ULK3: variants seen among roughly 807,000 people sequenced by gnomAD.
ULK3 encodes serine/threonine-protein kinase ULK3.
Under a neutral mutation model 69.4 loss-of-function variants are expected in ULK3, and 54 were observed. The observed-to-expected ratio is 0.78, with a 90% CI of 0.63 to 0.98. The LOEUF (loss-of-function observed/expected upper bound fraction) is 0.98, where lower values mean the gene tolerates loss of function less well. Among genes scored for constraint, ULK3 ranks in the 50% least tolerant of loss-of-function variants. The probability of loss-of-function intolerance (pLI) is 0.00; values close to 1 mark genes in which losing one functional copy is unlikely to be tolerated. For missense variants in ULK3, 558 were observed against 627.7 expected, an observed-to-expected ratio of 0.89 and a Z score of 1.19; for synonymous variants, 240 against 254.5, an observed-to-expected ratio of 0.94 and a Z score of 0.54.
At chr15:74,841,305 C>A in intron 4 of ULK3, 100 bp downstream of exon 4, 1 of 977,606 alleles carries the variant, frequency 1.0e-6, no homozygotes, top group Non-Finnish European at 1.6e-6. Flanking sequence ...TTTGAGGACT[C>A]TATAGAGGGC....
chr15:74,842,286 G>A lies in ULK3; in HGVS notation c.237C>T (p.Asp79=). 1 of 1,614,024 alleles carries A rather than the reference G, an allele frequency of 6.2e-7. No homozygotes were observed. Among genetic ancestry groups the A allele is most frequent in the African/African-American group, 1.3e-5 (1 of 75,062 alleles). ...CCCCGCCCCAGGCTCACACCTGAAA[G>A]TCTTTCAGCTGCACAATGTGGGGAT... ...IRHPHIVQLK[D]FQWDSDNIYL... Residue 79 remains aspartate, a synonymous_variant, in exon 2 of 16, where the codon GAC becomes GAT. Transcript: ENST00000440863. This position sits in a 1 kb window ranked among gnomAD's most constrained non-coding sequence, Gnocchi z 4.9.
In ULK3 at chr15:74,842,637, TCTC is replaced by T. The variant is rs2064302611; in HGVS notation, c.103-220_103-218del. ...TCCCGACACAGCCTCAGCCTGGTCT[TCTC>T]CAACCCTCGGCTAGCTGATCCATTT... On this transcript the variant is annotated intron_variant, in intron 1 of 15. Coordinates refer to ENST00000440863, the MANE Select transcript of ULK3 (RefSeq NM_001099436.4). The surrounding 1 kb of genome is among the most constrained non-coding windows in gnomAD (Gnocchi z 4.9). 1 of 1,537,090 alleles carries T rather than the reference TCTC, an allele frequency of 6.5e-7. No individual in the cohort carries two copies. The highest frequency in any genetic ancestry group is 2.0e-5 in the Admixed American group (1 of 51,028).
In ULK3 at chr15:74,842,952, G is replaced by A. The variant is rs1385125722; in HGVS notation, c.102+52C>T. On this transcript the variant is annotated intron_variant, in intron 1 of 15. Transcript: ENST00000440863. This position sits in a 1 kb window ranked among gnomAD's most constrained non-coding sequence, Gnocchi z 4.9. Reference sequence around the variant, plus strand: ...CTAACCTCTCAGAGTCTCCCCGGCCGGCACCAGCCGAGCTAGCTCGGGCGG... The same window carrying A: ...CTAACCTCTCAGAGTCTCCCCGGCCAGCACCAGCCGAGCTAGCTCGGGCGG... 6.6e-7 allele frequency: 1 copy of A among 1,521,910 alleles called. No individual in the cohort carries two copies. Among genetic ancestry groups the A allele is most frequent in the Non-Finnish European group, 8.9e-7 (1 of 1,129,634 alleles). 94.3% of individuals were successfully genotyped at this position (1,521,910 alleles called of 1,614,324 possible).
chr15:74,837,757 C>A lies in ULK3; in HGVS notation c.1329G>T (p.Gln443His), dbSNP rs779412677. Reference protein sequence around the residue: ...LMARAEYLKEQVKMRESRWEA... With the variant: ...LMARAEYLKEHVKMRESRWEA... ...GTGGCCCCCATGTGCCCACCTTGAC[C>A]TGCTCCTTCAAGTATTCAGCTCGGG... is the stretch of plus-strand genomic sequence containing the variant. Residue 443 changes from glutamine (Q) to histidine (H), a missense_variant, in exon 14 of 16, where the codon CAG (glutamine) becomes CAT (histidine). By Grantham distance (24) the Gln-to-His change is conservative. Transcript: ENST00000440863. The A allele has an allele frequency of 1.9e-6, 3 of 1,597,848 alleles. No homozygotes were observed. Among genetic ancestry groups the A allele is most frequent in the Non-Finnish European group, 2.6e-6 (3 of 1,171,886 alleles).
At position 74,839,371 on chromosome 15, in the gene ULK3, G is replaced by C. The variant is rs200900058; in HGVS notation, c.855C>G (p.Thr285=). The change falls in exon 8 of 16, where the codon ACC becomes ACG. Residue 285 remains threonine (T), a splice_region_variant and synonymous_variant. Coordinates refer to ENST00000440863, the MANE Select transcript of ULK3 (RefSeq NM_001099436.4). ...MPSGESLGRA[T]ALVVQAVKKD... The stretch of plus-strand genomic sequence containing the variant: ...TCTTCACAGCCTGCACCACCAGGGC[G>C]GTCTGGGGATGGGCAGATCAGGGGT... The C allele has an allele frequency of 3.2e-6, 5 of 1,559,406 alleles. No homozygotes were observed. The highest frequency in any genetic ancestry group is 4.3e-6 in the Non-Finnish European group (5 of 1,151,314).
In ULK3 at chr15:74,836,662, A is replaced by G. The variant is rs1567230801; in HGVS notation, c.*566T>C. On this transcript the variant is annotated 3_prime_UTR_variant, in exon 16 of 16. Transcript: ENST00000440863. The surrounding 1 kb of genome is among the most constrained non-coding windows in gnomAD (Gnocchi z 4.0). ...CTTTCATGCTTGAGGGATTAACCTA[A>G]AGTACCAAGATGGCGGGCAGGTGTG... 6.5e-6 allele frequency: 1 copy of G among 152,744 alleles called. No homozygotes were observed. Among genetic ancestry groups the G allele is most frequent in the Non-Finnish European group, 1.5e-5 (1 of 68,454 alleles). The allele number at this position is 152,744 out of a possible 1,614,324, so 9.5% of individuals were successfully genotyped here. A position where few individuals can be genotyped will look rare whatever the true frequency, so the allele number is the denominator to read the frequency against.
At position 74,837,128 on chromosome 15, in the gene ULK3, C is replaced by A. The variant is rs1290179845; in HGVS notation, c.*100G>T. Reference sequence around the variant, plus strand: ...CAGCACTGTCCATCCAAGAAGCCTGCTCGCCAGGGCTGCAGTGGGCCACTT... The same window carrying A: ...CAGCACTGTCCATCCAAGAAGCCTGATCGCCAGGGCTGCAGTGGGCCACTT... On this transcript the variant is annotated 3_prime_UTR_variant, in exon 16 of 16. Coordinates refer to ENST00000440863, the MANE Select transcript of ULK3 (RefSeq NM_001099436.4). 6 of 1,456,586 alleles carry A rather than the reference C, an allele frequency of 4.1e-6. No individual in the cohort carries two copies. The highest frequency in any genetic ancestry group is 5.5e-6 in the Non-Finnish European group (6 of 1,095,966). The allele number at this position is 1,456,586 out of a possible 1,614,324, so 90.2% of individuals were successfully genotyped here.
chr15:74,837,017 C>A lies in ULK3; in HGVS notation c.*211G>T. 1.8e-6 allele frequency: 1 copy of A among 553,394 alleles called. No homozygotes were observed. The highest frequency in any genetic ancestry group is 3.0e-6 in the Non-Finnish European group (1 of 334,898). The allele number at this position is 553,394 out of a possible 1,614,324, so 34.3% of individuals were successfully genotyped here. On this transcript the variant is annotated 3_prime_UTR_variant, in exon 16 of 16. Coordinates refer to ENST00000440863, the MANE Select transcript of ULK3 (RefSeq NM_001099436.4). The stretch of plus-strand genomic sequence containing the variant: ...CTGTTCTCCCAGAGTCCTGCCCTCC[C>A]CTCCAGTATACAGCACAGCCATCAA...
chr15:74,839,139 C>A, intron 8 of ULK3, 89 bp from the exon 9 acceptor site: 1 of 1,543,152 alleles, frequency 6.5e-7, no homozygotes, highest in Non-Finnish European at 8.8e-7. Flanking sequence ...ACACAATATT[C>A]CAGGTTTACG....
Position 74,842,229 on chromosome 15 carries a change from A to G in ULK3, c.244-34T>C. 6.2e-7 allele frequency: 1 copy of G among 1,613,934 alleles called. No homozygotes were observed. The highest frequency in any genetic ancestry group is 2.2e-5 in the East Asian group (1 of 44,882). ...AGAGGCAGAGAGGCGGCCTGAAGAG[A>G]GTGTCCCTTCTCCAGCTCCCTTTGG... On this transcript the variant is annotated intron_variant, in intron 2 of 15. Coordinates refer to ENST00000440863, the MANE Select transcript of ULK3 (RefSeq NM_001099436.4). This position sits in a 1 kb window ranked among gnomAD's most constrained non-coding sequence, Gnocchi z 4.9.
Position 74,838,673 on chromosome 15 carries a change from GCCTCA to G in ULK3, c.1067_1071del (p.Leu356ProfsTer72). ...AGCAGGTCTCGGGCAGAGGTCCCCT[GCCTCA>G]GCAGGGCCTGATTGGAAGAGGAGAC... On this transcript the variant is annotated frameshift_variant, in exon 10 of 16. Transcript: ENST00000440863. LOFTEE classifies it high-confidence loss of function. 1.2e-6 allele frequency: 2 copies of G among 1,612,510 alleles called. No individual in the cohort carries two copies. The highest frequency in any genetic ancestry group is 1.7e-6 in the Non-Finnish European group (2 of 1,179,236).
In ULK3 at chr15:74,843,061, G is replaced by T; in HGVS notation, c.45C>A (p.Ile15=). 6.7e-7 allele frequency: 1 copy of T among 1,486,440 alleles called. No individual in the cohort carries two copies. The highest frequency in any genetic ancestry group is 9.0e-7 in the Non-Finnish European group (1 of 1,113,364). The allele number at this position is 1,486,440 out of a possible 1,614,324, so 92.1% of individuals were successfully genotyped here. A position where few individuals can be genotyped will look rare whatever the true frequency, so the allele number is the denominator to read the frequency against. ...TGCCGCTGCCCAGGCGCTCGGTGAGGATGAAGCCGTCCAGGCGCGGGGGAC... is the reference window on the plus strand; with the variant it reads ...TGCCGCTGCCCAGGCGCTCGGTGAGTATGAAGCCGTCCAGGCGCGGGGGAC... ...GWGPPRLDGF[I]LTERLGSGTY... The change falls in exon 1 of 16, where the codon ATC becomes ATA. Residue 15 remains isoleucine (I), a synonymous_variant. Coordinates refer to ENST00000440863, the MANE Select transcript of ULK3 (RefSeq NM_001099436.4).
rs1219415853 is a variant in ULK3 at position 74,841,267 on chromosome 15, C to A, written c.469+138G>T. 5 of 651,200 alleles carry A rather than the reference C, an allele frequency of 7.7e-6. No individual in the cohort carries two copies. In the African/African-American group the frequency reaches 9.2e-5, roughly 12 times the overall value. The allele number at this position is 651,200 out of a possible 1,614,324, so 40.3% of individuals were successfully genotyped here. The stretch of plus-strand genomic sequence containing the variant: ...GCTTCCACCTTTTGATGACAGGGCC[C>A]AACCCCAGACTTCACGGCCTGTCAC... On this transcript the variant is annotated intron_variant, in intron 4 of 15. Transcript: ENST00000440863.
In ULK3 at chr15:74,840,508, G is replaced by A. The variant is rs753375805; in HGVS notation, c.603C>T (p.Val201=). The change falls in exon 5 of 16, where the codon GTC becomes GTT. Residue 201 remains valine, a synonymous_variant. Transcript: ENST00000440863. ...DARVDLWSMG[V]ILYEALFGQP... ...GAAAAGAGGTCTCACCATACAGGAT[G>A]ACCCCCATGGACCAGAGGTCCACGC... 6.2e-7 allele frequency: 1 copy of A among 1,606,990 alleles called. No individual in the cohort carries two copies. Among genetic ancestry groups the A allele is most frequent in the Admixed American group, 1.7e-5 (1 of 59,052 alleles).
rs573596173 is a variant in ULK3 at position 74,837,528 on chromosome 15, C to T, written c.1336-93G>A. 59 of 868,376 alleles carry T rather than the reference C, an allele frequency of 6.8e-5. 1 individual carries two copies. The South Asian group carries it at 9.0e-4, about 13-fold the overall frequency. The allele number at this position is 868,376 out of a possible 1,614,324, so 53.8% of individuals were successfully genotyped here. ...AGTGAGAGAGTGAAGGACGGGGACA[C>T]GAGCCACAGCGCAGTGCCGAGCAAG... is the stretch of plus-strand genomic sequence containing the variant. On this transcript the variant is annotated intron_variant, in intron 14 of 15. Coordinates refer to ENST00000440863, the MANE Select transcript of ULK3 (RefSeq NM_001099436.4).
Position 74,840,330 on chromosome 15 carries a change from GCAGAGC to G in ULK3, c.614-20_614-15del, listed in dbSNP as rs2064200340. ...CGAAGAGGGCTTCTGTGGAAGGGAG[GCAGAGC>G]GGAGGCTGGGAGGGAATGGGTCAAG... On this transcript the variant is annotated splice_polypyrimidine_tract_variant and intron_variant, in intron 5 of 15. Transcript: ENST00000440863. 7 of 1,604,442 alleles carry G rather than the reference GCAGAGC, an allele frequency of 4.4e-6. No individual in the cohort carries two copies. The Admixed American group carries it at 6.8e-5, about 16-fold the overall frequency.
At position 74,837,365 on chromosome 15, in the gene ULK3, T is replaced by G; in HGVS notation, c.1402+4A>C. 1 of 1,613,090 alleles carries G rather than the reference T, an allele frequency of 6.2e-7. No individual in the cohort carries two copies. The highest frequency in any genetic ancestry group is 1.1e-5 in the South Asian group (1 of 90,926). ...TGGAGGATCGACCCCAGGGCAGGAC[T>G]CACAGCTACGAACAGATTCCGACAG... On this transcript the variant is annotated splice_donor_region_variant and intron_variant, in intron 15 of 15. Coordinates refer to ENST00000440863, the MANE Select transcript of ULK3 (RefSeq NM_001099436.4).
At position 74,842,182 on chromosome 15, in the gene ULK3, T is replaced by C. The variant is rs200940651; in HGVS notation, c.257A>G (p.Asn86Ser). The change falls in exon 3 of 16, where the codon AAT becomes AGT. Residue 86 changes from asparagine (N) to serine (S), a missense_variant. Transcript: ENST00000440863. This position sits in a 1 kb window ranked among gnomAD's most constrained non-coding sequence, Gnocchi z 4.9. Reference sequence around the variant, plus strand: ...GCAAAACTCCATGATGAGGTAGATATTGTCACTGTCCCACTGTGTTTAGAG... The same window carrying C: ...GCAAAACTCCATGATGAGGTAGATACTGTCACTGTCCCACTGTGTTTAGAG... ...QLKDFQWDSDNIYLIMEFCAG... is the reference protein window; with the variant it reads ...QLKDFQWDSDSIYLIMEFCAG... 1.0e-4 allele frequency: 164 copies of C among 1,613,984 alleles called. 1 individual carries two copies. In the African/African-American group the frequency reaches 1.8e-3, roughly 18 times the overall value.
In ULK3 at chr15:74,842,132, T is replaced by C. The variant is rs756483238; in HGVS notation, c.307A>G (p.Ile103Val). ...TCAGGCAGAATCCTGCGGGTATGGA[T>C]GAAGCGAGACAGGTCGCCCCCTGCG... ...FCAGGDLSRFIHTRRILPEKV... is the reference protein window; with the variant it reads ...FCAGGDLSRFVHTRRILPEKV... Residue 103 changes from isoleucine to valine, a missense_variant, in exon 3 of 16, where the codon ATC becomes GTC. Ile to Val is a conservative substitution (Grantham distance 29). Coordinates refer to ENST00000440863, the MANE Select transcript of ULK3 (RefSeq NM_001099436.4). This position sits in a 1 kb window ranked among gnomAD's most constrained non-coding sequence, Gnocchi z 4.9. 6.2e-7 allele frequency: 1 copy of C among 1,613,984 alleles called. No individual in the cohort carries two copies. The highest frequency in any genetic ancestry group is 2.2e-5 in the East Asian group (1 of 44,888).
Sources: gnomAD v4.1 joint callset for allele counts on GRCh38, gnomAD v4.1.1 for gene constraint, Gnocchi (gnomAD v3.1) non-coding constraint, MANE v1.5 for transcripts, NCBI Gene and HGNC (gene_info 2026-07-23, HGNC 2026-07-21) for gene names.